WWOX: variants seen among roughly 807,000 people sequenced by gnomAD.
The protein encoded by WWOX is WW domain containing oxidoreductase.
Under a neutral mutation model 46.2 loss-of-function variants are expected in WWOX, and 69 were observed. That is an observed-to-expected ratio of 1.49 (90% CI 1.23 to 1.82). The LOEUF (loss-of-function observed/expected upper bound fraction) is 1.82, where lower values mean the gene tolerates loss of function less well. Ranked by LOEUF, WWOX falls within the 40% of genes most tolerant of loss-of-function variation. The pLI, the probability that WWOX is intolerant of heterozygous loss-of-function variation, is 0.00. For missense variants in WWOX, 919 were observed against 542.6 expected, an observed-to-expected ratio of 1.69 and a Z score of -6.89; for synonymous variants, 359 against 202.6, an observed-to-expected ratio of 1.77 and a Z score of -6.56.
intron 8 of WWOX, among the ~76,000 whole-genome samples, chr16:78,925,823 G>T (rs1043315339): frequency 1.3e-5 from 2 of 152,170 alleles, no homozygotes; most frequent in South Asian, 2.1e-4. Context: ...AAAGAGCCTC[G>T]CTGAAGCCCT....
intron 8 of WWOX, among the ~76,000 whole-genome samples, chr16:78,817,172 CTTTTTTTT>C (rs33981779): frequency 9.7e-4 from 50 of 51,582 alleles, no homozygotes; most frequent in East Asian, 3.5e-3. Flanking sequence ...TAGTGCTATT[CTTTTTTTT>C]TTTTTTTTTT....
chr16:79,032,349 A>T (rs2047779806), intron 8 of WWOX, among the ~76,000 whole-genome samples: 1 of 146,482 alleles, frequency 6.8e-6, no homozygotes, highest in Admixed American at 7.0e-5. Flanking sequence ...TATGTAATAT[A>T]TAATATATTC....
chr16:78,423,448 C>G (rs1182673167), intron 6 of WWOX, among the ~76,000 whole-genome samples: 1 of 151,928 alleles, frequency 6.6e-6, no homozygotes, highest in African/African-American at 2.4e-5. Flanking sequence ...CGTGGATAGC[C>G]TTGTATATAT....
At chr16:78,144,466 C>CGTAT (rs2034109720) in intron 4 of WWOX, among the ~76,000 whole-genome samples, 2 of 14,368 alleles carry the variant, frequency 1.4e-4, no homozygotes, top group African/African-American at 4.6e-4. Flanking sequence ...TATATATACA[C>CGTAT]ACATATATAT....
intron 8 of WWOX, among the ~76,000 whole-genome samples, chr16:78,970,539 A>T (rs2046449473): frequency 6.6e-6 from 1 of 152,198 alleles, no homozygotes; most frequent in Admixed American, 6.5e-5. Context: ...GGCTTTGAAC[A>T]ATGTATAGAC....
intron 6 of WWOX, among the ~76,000 whole-genome samples, chr16:78,396,364 A>T (rs781393544): frequency 8.5e-5 from 13 of 152,210 alleles, no homozygotes; most frequent in Non-Finnish European, 1.5e-4. Flanking sequence ...CAAGACATAA[A>T]TGAAAATGTG....
At chr16:78,494,498 CA>C (rs2084862050) in intron 8 of WWOX, among the ~76,000 whole-genome samples, 1 of 151,870 alleles carries the variant, frequency 6.6e-6, no homozygotes. Flanking sequence ...ATTAAGCAAA[CA>C]AAAGGAAATA....
At chr16:78,628,552 T>C (rs1387017145) in intron 8 of WWOX, among the ~76,000 whole-genome samples, 2 of 152,150 alleles carry the variant, frequency 1.3e-5, no homozygotes, top group Non-Finnish European at 2.9e-5. Flanking sequence ...TTTTTTTGTA[T>C]GCCTCCCCAT....
In WWOX at chr16:79,104,299, A is replaced by C. The variant is rs114236492; in HGVS notation, c.1057-107309A>C. Among the ~76,000 whole-genome samples the C allele has an allele frequency of 6.4e-3, 976 of 152,310 alleles. 9 individuals carry two copies. Among genetic ancestry groups the C allele is most frequent in the African/African-American group, 0.022 (931 of 41,556 alleles). ...ATAATGTTTTGGTAAAACCTCAGTT[A>C]TCATCTGCTATTACTGTTATTTCAT... On this transcript the variant is annotated intron_variant, in intron 8 of 8. Coordinates refer to ENST00000566780, the MANE Select transcript of WWOX (RefSeq NM_016373.4).
chr16:79,124,810 A>C (rs2049716014), intron 8 of WWOX, among the ~76,000 whole-genome samples: 1 of 152,242 alleles, frequency 6.6e-6, no homozygotes, highest in Non-Finnish European at 1.5e-5. Flanking sequence ...AGTATAAACC[A>C]ATGAGTCTGG....
intron 8 of WWOX, among the ~76,000 whole-genome samples, chr16:79,186,755 G>C (rs2051023856): frequency 6.6e-6 from 1 of 151,970 alleles, no homozygotes; most frequent in Admixed American, 6.6e-5. Flanking sequence ...CATTAGTCTG[G>C]GAATTTTTCT....
chr16:78,297,179 C>G (rs565642939), intron 5 of WWOX, among the ~76,000 whole-genome samples: 189 of 152,254 alleles, frequency 1.2e-3, no homozygotes, highest in African/African-American at 4.3e-3. Flanking sequence ...GTCACAAGAC[C>G]TTTCCCTCCC....
At chr16:79,017,973 C>T (rs912377004) in intron 8 of WWOX, among the ~76,000 whole-genome samples, 4 of 152,166 alleles carry the variant, frequency 2.6e-5, no homozygotes, top group African/African-American at 9.7e-5. Context: ...TACACATTTG[C>T]ACACCACAGT....
intron 8 of WWOX, among the ~76,000 whole-genome samples, chr16:78,801,263 T>A (rs560553308): frequency 2.0e-5 from 3 of 152,168 alleles, no homozygotes. Flanking sequence ...TAATCCCAGC[T>A]CTTTGGGAGG....
At chr16:78,542,062 C>T (rs1238744684) in intron 8 of WWOX, among the ~76,000 whole-genome samples, 3 of 135,778 alleles carry the variant, frequency 2.2e-5, no homozygotes, top group Non-Finnish European at 4.7e-5. Flanking sequence ...TTGCACAGAC[C>T]CCAGCTTAGG....
rs140179016 is a variant in WWOX at position 78,117,785 on chromosome 16, A to G, written c.409+2631A>G. On this transcript the variant is annotated intron_variant, in intron 4 of 8. Transcript: ENST00000566780. The stretch of plus-strand genomic sequence containing the variant: ...GACTTCTGGGGCATTCAGGAGTCAT[A>G]TTCTATCTAAGCTTTAATGGTGTTG... 1.3e-4 allele frequency among the ~76,000 whole-genome samples: 20 copies of G among 152,294 alleles called. No homozygotes were observed. In the East Asian group the frequency reaches 3.9e-3, roughly 29 times the overall value.
intron 4 of WWOX, among the ~76,000 whole-genome samples, chr16:78,142,662 A>G (rs1012553831): frequency 6.6e-6 from 1 of 152,220 alleles, no homozygotes; most frequent in Non-Finnish European, 1.5e-5. Flanking sequence ...TTGATATACA[A>G]TATTGTGCTA....
intron 8 of WWOX, among the ~76,000 whole-genome samples, chr16:78,692,461 C>T (rs887852573): frequency 3.9e-5 from 6 of 152,162 alleles, no homozygotes; most frequent in African/African-American, 1.4e-4. Flanking sequence ...AGTGATGCCC[C>T]CTTCAAAGTG....
intron 8 of WWOX, among the ~76,000 whole-genome samples, chr16:79,165,518 T>C (rs1470371587): frequency 2.0e-5 from 3 of 152,178 alleles, no homozygotes; most frequent in Admixed American, 6.5e-5. Flanking sequence ...GGGATGTTTA[T>C]TCTTTGTTTA....
Sources: gnomAD v4.1 joint callset for allele counts (sites outside exome capture counted in the v4.1 genomes callset) on GRCh38, gnomAD v4.1.1 for gene constraint, MANE v1.5 for transcripts, NCBI Gene and HGNC (gene_info 2026-07-23, HGNC 2026-07-21) for gene names.